TBATA: variants seen among roughly 807,000 people sequenced by gnomAD.
TBATA encodes the protein thymus, brain and testes associated.
Under a neutral mutation model 38.7 loss-of-function variants are expected in TBATA, and 47 were observed. The observed-to-expected ratio is 1.21, with a 90% CI of 0.96 to 1.55. The LOEUF (loss-of-function observed/expected upper bound fraction) is 1.55. Among genes scored for constraint, TBATA ranks in the 40% most tolerant of loss-of-function variants. The pLI is 0.00. For synonymous variants in TBATA, 183 were observed against 170.5 expected, an observed-to-expected ratio of 1.07 and a Z score of -0.57; for missense variants, 436 against 435.6, an observed-to-expected ratio of 1.00 and a Z score of -0.01.
chr10:70,778,836 T>C lies in TBATA; in HGVS notation c.428-200A>G, dbSNP rs555527181. ...GTGGTGGTTGTGGCAGTGGGTGGGG[T>C]GCGGGGGTGGGGCATTGCTTTCCTT... On this transcript the variant is annotated intron_variant, in intron 5 of 10. Coordinates refer to ENST00000456372, the MANE Select transcript of TBATA (RefSeq NM_001318241.2). The C allele has an allele frequency of 3.8e-5, 24 of 635,464 alleles. No homozygotes were observed. The African/African-American group carries it at 4.2e-4, about 11-fold the overall frequency. The allele number at this position is 635,464 out of a possible 1,614,324, so 39.4% of individuals were successfully genotyped here.
At chr10:70,782,885 T>C (rs1172837000) in intron 3 of TBATA, among the ~76,000 whole-genome samples, 1 of 152,252 alleles carries the variant, frequency 6.6e-6, no homozygotes, top group African/African-American at 2.4e-5. Context: ...AGATGGACTC[T>C]GGATGTGCTA....
At chr10:70,779,888 C>T in intron 4 of TBATA, 146 bp from the exon 5 acceptor site, 1 of 842,858 alleles carries the variant, frequency 1.2e-6, no homozygotes, top group South Asian at 2.3e-5. Flanking sequence ...GCTGGGAGGG[C>T]ATTGTAACCA....
intron 5 of TBATA, 114 bp downstream of exon 5, chr10:70,779,479 A>G (rs572085257): frequency 1.6e-6 from 2 of 1,232,542 alleles, no homozygotes; most frequent in Admixed American, 3.0e-5. Flanking sequence ...CCCCCAACGG[A>G]CCTCACTGAC....
At chr10:70,782,290 C>T (rs562478552) in intron 3 of TBATA, 901 of 1,492,520 alleles carry the variant, frequency 6.0e-4, no homozygotes, top group Middle Eastern at 6.0e-3. Context: ...TCAGACTCTC[C>T]CAGCACCCCA....
chr10:70,784,029 ATAT>A (rs1844587158), intron 2 of TBATA, among the ~76,000 whole-genome samples: 1 of 152,230 alleles, frequency 6.6e-6, no homozygotes, highest in African/African-American at 2.4e-5. Context: ...GTTTAAAAAC[ATAT>A]TATTTTTCTT....
chr10:70,779,713 T>C lies in TBATA; in HGVS notation c.307A>G (p.Arg103Gly). The C allele has an allele frequency of 6.5e-7, 1 of 1,537,664 alleles. No homozygotes were observed. The highest frequency in any genetic ancestry group is 8.7e-7 in the Non-Finnish European group (1 of 1,151,482). ...TCAGGCAAGGGGGCTGGAAAATCCC[T>C]GACGACACAGACAGGCTTCCCGGTG... The part of the protein sequence containing the change: ...DLTGKPVCVV[R>G]DFPAPLPEST... Residue 103 changes from arginine (R) to glycine (G), a missense_variant, in exon 5 of 11, where the codon AGG becomes GGG. Arg to Gly is a moderately radical substitution (Grantham distance 125, BLOSUM62 -2). Transcript: ENST00000456372.
Position 70,775,317 on chromosome 10 carries a change from A to G in TBATA, c.694-47T>C, listed in dbSNP as rs530856297. The G allele has an allele frequency of 1.9e-5, 30 of 1,544,216 alleles. No individual in the cohort carries two copies. The African/African-American group carries it at 3.3e-4, about 17-fold the overall frequency. ...ATTCCAGCCAGGAGTACAGGCAAGG[A>G]GTACAGGCAAATGTAGGTTTGGAGG... On this transcript the variant is annotated intron_variant, in intron 7 of 10. Transcript: ENST00000456372.
Position 70,777,272 on chromosome 10 carries a change from G to C in TBATA, c.574C>G (p.Leu192Val). The C allele has an allele frequency of 6.2e-7, 1 of 1,613,720 alleles. No homozygotes were observed. Among genetic ancestry groups the C allele is most frequent in the Non-Finnish European group, 8.5e-7 (1 of 1,179,948 alleles). The stretch of plus-strand genomic sequence containing the variant: ...ACAGCCCGGGTGGAAGCGGGGATGA[G>C]CCTCCCAGTCTCTGCTGAGTACTTT... ...GAKYSAETGRLIPASTRAVGR... is the reference protein window; with the variant it reads ...GAKYSAETGRVIPASTRAVGR... The change falls in exon 7 of 11, where the codon CTC becomes GTC. Residue 192 changes from leucine (L) to valine (V), a missense_variant. Physicochemically the swap from Leu to Val is conservative, Grantham distance 32 (BLOSUM62 1). Coordinates refer to ENST00000456372, the MANE Select transcript of TBATA (RefSeq NM_001318241.2).
At position 70,775,174 on chromosome 10, in the gene TBATA, G is replaced by A; in HGVS notation, c.775+15C>T. 6.2e-7 allele frequency: 1 copy of A among 1,608,494 alleles called. No individual in the cohort carries two copies. The highest frequency in any genetic ancestry group is 8.5e-7 in the Non-Finnish European group (1 of 1,175,254). On this transcript the variant is annotated intron_variant, in intron 8 of 10. Coordinates refer to ENST00000456372, the MANE Select transcript of TBATA (RefSeq NM_001318241.2). ...CAGCCTCCACTGAGACAGTGCTGCG[G>A]GGCTGTGTCCTCACCCTTGGGCGGA...
intron 9 of TBATA, 151 bp downstream of exon 9, chr10:70,774,062 G>A (rs1412219368): frequency 3.4e-5 from 36 of 1,064,554 alleles, no homozygotes; most frequent in Non-Finnish European, 4.7e-5. Context: ...AGCACTAGAA[G>A]GTCCCTGGGG....
chr10:70,774,185 G>A (rs1377981547), intron 9 of TBATA, 28 bp downstream of exon 9: 1 of 1,609,006 alleles, frequency 6.2e-7, no homozygotes, highest in South Asian at 1.1e-5. Flanking sequence ...GAAGGCTGCA[G>A]AAGGGCAGGG....
Position 70,781,890 on chromosome 10 carries a change from G to T in TBATA, c.188C>A (p.Thr63Asn). 3 of 1,614,224 alleles carry T rather than the reference G, an allele frequency of 1.9e-6. No homozygotes were observed. The highest frequency in any genetic ancestry group is 2.5e-6 in the Non-Finnish European group (3 of 1,180,020). The change falls in exon 4 of 11, where the codon ACC becomes AAC. Residue 63 changes from threonine to asparagine, a missense_variant. Transcript: ENST00000456372. ...GCGTCCAAAGCAGTAGGTGCCAGGGGTTTGGGGCTTTGGGGTCCTCAATGC... is the reference window on the plus strand; with the variant it reads ...GCGTCCAAAGCAGTAGGTGCCAGGGTTTTGGGGCTTTGGGGTCCTCAATGC... Reference protein sequence around the residue: ...RRALRTPKPQTPGTYCFGRLS... With the variant: ...RRALRTPKPQNPGTYCFGRLS...
chr10:70,781,600 G>A (rs973013185), intron 4 of TBATA, among the ~76,000 whole-genome samples: 3 of 152,194 alleles, frequency 2.0e-5, no homozygotes, highest in East Asian at 1.9e-4. Flanking sequence ...GAATCTGTAG[G>A]GAACCTGTCA....
intron 7 of TBATA, among the ~76,000 whole-genome samples, chr10:70,776,887 C>T (rs1044920358): frequency 2.0e-5 from 3 of 152,132 alleles, no homozygotes; most frequent in African/African-American, 7.2e-5. Context: ...GCAAATGCTA[C>T]AGCTGGAAGG....
Position 70,772,270 on chromosome 10 carries a change from G to A in TBATA, c.973+244C>T, listed in dbSNP as rs774174361. 6.3e-5 allele frequency: 43 copies of A among 686,836 alleles called. No homozygotes were observed. In the East Asian group the frequency reaches 1.2e-3, roughly 19 times the overall value. 42.5% of individuals were successfully genotyped at this position (686,836 alleles called of 1,614,324 possible). Reference sequence around the variant, plus strand: ...TGTTGTCTGTATTCCTCCTTGCTGGGATGTAAGTTCCGTGACAGCAGGAAC... The same window carrying A: ...TGTTGTCTGTATTCCTCCTTGCTGGAATGTAAGTTCCGTGACAGCAGGAAC... On this transcript the variant is annotated intron_variant, in intron 10 of 10. Coordinates refer to ENST00000456372, the MANE Select transcript of TBATA (RefSeq NM_001318241.2).
rs116186604 is a variant in TBATA, at chr10:70,782,032, T to C, written c.46A>G (p.Lys16Glu). ...QLADYPLMSP[K>E]AELKLEKKSG... ...TTCTTCTCCAGTTTCAGCTCAGCCT[T>C]TGGACTGAAGGAGGGGGTTTCAGGA... The change falls in exon 4 of 11, where the codon AAG (lysine) becomes GAG (glutamate). Residue 16 changes from lysine to glutamate, a missense_variant. Lys to Glu is a moderately conservative substitution (Grantham distance 56, BLOSUM62 1). Coordinates refer to ENST00000456372, the MANE Select transcript of TBATA (RefSeq NM_001318241.2). 1 of 1,614,150 alleles carries C rather than the reference T, an allele frequency of 6.2e-7. No individual in the cohort carries two copies. The highest frequency in any genetic ancestry group is 1.3e-5 in the African/African-American group (1 of 75,072).
At chr10:70,773,516 A>T (rs1203641417) in intron 9 of TBATA, among the ~76,000 whole-genome samples, 1 of 150,740 alleles carries the variant, frequency 6.6e-6, no homozygotes, top group East Asian at 2.0e-4. Context: ...AGGGGTCTGC[A>T]TTTTTAACAA....
intron 7 of TBATA, among the ~76,000 whole-genome samples, chr10:70,775,872 C>T (rs1207091916): frequency 6.6e-6 from 1 of 152,228 alleles, no homozygotes; most frequent in Non-Finnish European, 1.5e-5. Context: ...TCCTGCAGAG[C>T]TGTGGGCATG....
chr10:70,772,324 A>G (rs759840232), intron 10 of TBATA, 190 bp downstream of exon 10: 1 of 728,242 alleles, frequency 1.4e-6, no homozygotes, highest in Non-Finnish European at 2.5e-6. Flanking sequence ...ACTGATCCCC[A>G]GAGTTCAGCA....
Sources: gnomAD v4.1 joint callset for allele counts (sites outside exome capture counted in the v4.1 genomes callset) on GRCh38, gnomAD v4.1.1 for gene constraint, MANE v1.5 for transcripts, NCBI Gene and HGNC (gene_info 2026-07-23, HGNC 2026-07-21) for gene names.